Variants in SPNS2 observed in about 807,000 individuals in gnomAD.
SPNS2 encodes the protein sphingosine-1-phosphate transporter SPNS2.
SPNS2 carries 37 observed loss-of-function variants against 57.6 expected under a neutral mutation model. The observed-to-expected ratio is 0.64, with a 90% CI of 0.49 to 0.85. SPNS2 has a LOEUF of 0.85. Among genes scored for constraint, SPNS2 ranks in the 40% least tolerant of loss-of-function variants. SPNS2 has a pLI of 0.00. For missense variants in SPNS2, 831 were observed against 779.1 expected (o/e 1.07, Z -0.79); for synonymous variants, 440 against 346.9 (o/e 1.27, Z -2.98).
chr17:4,508,489 A>G (rs1904740519), intron 1 of SPNS2, among the ~76,000 whole-genome samples: 1 of 152,164 alleles, frequency 6.6e-6, no homozygotes, highest in African/African-American at 2.4e-5. Context: ...CTGCATTTAC[A>G]CAGGAAGAAA....
rs964209136 is a variant in SPNS2 at position 4,513,151 on chromosome 17, A to G, written c.371-96A>G. On this transcript the variant is annotated intron_variant, in intron 1 of 12. Transcript: ENST00000329078. ...GAGCAGGAGTGCCGCAGATATGGCC[A>G]GGCTGGGCCCTGCAAGGCGGGAAAG... The G allele has an allele frequency of 4.3e-6, 6 of 1,381,400 alleles. No individual in the cohort carries two copies. The African/African-American group carries it at 7.1e-5, about 16-fold the overall frequency. 85.6% of individuals were successfully genotyped at this position (1,381,400 alleles called of 1,614,324 possible). A position where few individuals can be genotyped will look rare whatever the true frequency, so the allele number is the denominator to read the frequency against.
intron 12 of SPNS2, 36 bp downstream of exon 12, chr17:4,536,982 A>G (rs1468869607): frequency 6.2e-7 from 1 of 1,609,136 alleles, no homozygotes; most frequent in Non-Finnish European, 8.5e-7. Context: ...GGGGCTCCCT[A>G]AGGAAAGGGG....
At position 4,533,108 on chromosome 17, in the gene SPNS2, C is replaced by T. The variant is rs377449141; in HGVS notation, c.1067C>T (p.Pro356Leu). The change falls in exon 7 of 13, where the codon CCG (proline) becomes CTG (leucine). Residue 356 changes from proline (P) to leucine (L), a missense_variant. Pro to Leu is a moderately conservative substitution (Grantham distance 98). Around this residue, in one of 2 missense-constraint regions of SPNS2, gnomAD observed 526 missense variants for 400.9 expected, o/e 1.31. Coordinates refer to ENST00000329078, the MANE Select transcript of SPNS2 (RefSeq NM_001124758.3). ...AAGACAGCAGAGACGTGCAACAGCC[C>T]GCCCTGTGGGGCCAAGGACAGGTGG... is the stretch of plus-strand genomic sequence containing the variant. ...VQKTAETCNSPPCGAKDSLIF... is the reference protein window; with the variant it reads ...VQKTAETCNSLPCGAKDSLIF... 1.9e-4 allele frequency: 313 copies of T among 1,611,648 alleles called. No homozygotes were observed. The highest frequency in any genetic ancestry group is 2.3e-4 in the Non-Finnish European group (271 of 1,179,066).
rs1478067836 is a variant in SPNS2 at position 4,532,584 on chromosome 17, A to C, written c.835A>C (p.Ile279Leu). 6.2e-7 allele frequency: 1 copy of C among 1,613,998 alleles called. No homozygotes were observed. Among genetic ancestry groups the C allele is most frequent in the Non-Finnish European group, 8.5e-7 (1 of 1,179,990 alleles). Residue 279 changes from isoleucine to leucine, a missense_variant, in exon 6 of 13, where the codon ATT becomes CTT. This residue lies in a region of SPNS2 where 526 missense variants were observed against 400.9 expected (regional missense o/e 1.31). Coordinates refer to ENST00000329078, the MANE Select transcript of SPNS2 (RefSeq NM_001124758.3). ...LGMITGTLIL[I>L]LVPATKRGHA... ...CATGATCACAGGAACACTCATCCTC[A>C]TTCTGGTCCCAGCCACTAAAAGGGG...
rs982743669 is a variant in SPNS2 at position 4,512,636 on chromosome 17, G to GTGTGTGTGCGTGCGCGCGCACGGGTA, written c.371-600_371-575dup. Among the ~76,000 whole-genome samples, 549 of 151,332 alleles carry GTGTGTGTGCGTGCGCGCGCACGGGTA rather than the reference G, an allele frequency of 3.6e-3. 7 individuals carry two copies. The highest frequency in any genetic ancestry group is 0.013 in the African/African-American group (532 of 40,716). The stretch of plus-strand genomic sequence containing the variant: ...CTGAGGGCAGCTGGGGTGACAGTGT[G>GTGTGTGTGCGTGCGCGCGCACGGGTA]TGTGTGTGCGTGCGCGCGCACGGGT... On this transcript the variant is annotated intron_variant, in intron 1 of 12. Transcript: ENST00000329078. The surrounding 1 kb of genome is among the most constrained non-coding windows in gnomAD (Gnocchi z 5.2).
rs768896891 is a variant in SPNS2, at chr17:4,513,293, C to T, written c.417C>T (p.Gly139=). 316 of 1,613,836 alleles carry T rather than the reference C, an allele frequency of 2.0e-4. No homozygotes were observed. Among genetic ancestry groups the T allele is most frequent in the Non-Finnish European group, 2.4e-4 (286 of 1,179,864 alleles). The stretch of plus-strand genomic sequence containing the variant: ...AGCACTTTGGGGTCAAGGACCGAGG[C>T]GCCGGCCTGCTGCAGTCAGGTGAGG... ...IQQHFGVKDR[G]AGLLQSVFIC... The change falls in exon 2 of 13, where the codon GGC becomes GGT. Residue 139 remains glycine, a synonymous_variant. Transcript: ENST00000329078.
intron 1 of SPNS2, among the ~76,000 whole-genome samples, chr17:4,502,942 C>T (rs886358926): frequency 1.2e-4 from 18 of 152,318 alleles, no homozygotes; most frequent in Admixed American, 9.8e-4. Context: ...CTGCTAATTA[C>T]GGCCTCTCCT....
intron 5 of SPNS2, among the ~76,000 whole-genome samples, chr17:4,532,259 CCA>C: frequency 6.6e-6 from 1 of 152,190 alleles, no homozygotes; most frequent in Non-Finnish European, 1.5e-5. Context: ...ACCCACTGCT[CCA>C]CTCACCCACC....
At chr17:4,537,194 T>C (rs2144389334) in intron 12 of SPNS2, among the ~76,000 whole-genome samples, 1 of 151,356 alleles carries the variant, frequency 6.6e-6, no homozygotes, top group East Asian at 1.9e-4. Context: ...CTCGCATAGA[T>C]CAGGGCCAGG....
rs186114560 is a variant in SPNS2 at position 4,499,479 on chromosome 17, G to C, written c.370+62G>C. On this transcript the variant is annotated intron_variant, in intron 1 of 12. Transcript: ENST00000329078. The surrounding 1 kb of genome is among the most constrained non-coding windows in gnomAD (Gnocchi z 5.2). ...CCCACCCCATCCCACCACCCGCCTC[G>C]AGGGAGGTACCCCAGAGAGCTTTTG... 2 of 1,122,706 alleles carry C rather than the reference G, an allele frequency of 1.8e-6. No individual in the cohort carries two copies. The highest frequency in any genetic ancestry group is 2.3e-6 in the Non-Finnish European group (2 of 861,482). 69.5% of individuals were successfully genotyped at this position (1,122,706 alleles called of 1,614,324 possible). A position where few individuals can be genotyped will look rare whatever the true frequency, so the allele number is the denominator to read the frequency against.
chr17:4,531,969 C>T (rs1000407299), intron 5 of SPNS2, among the ~76,000 whole-genome samples: 6 of 152,054 alleles, frequency 3.9e-5, no homozygotes, highest in African/African-American at 7.3e-5. Flanking sequence ...GTCAGTCCAG[C>T]GCTTCATACC....
intron 1 of SPNS2, among the ~76,000 whole-genome samples, chr17:4,500,905 A>T (rs1046268955): frequency 2.6e-5 from 4 of 152,038 alleles, no homozygotes; most frequent in African/African-American, 9.7e-5. Flanking sequence ...GCTATCCCAA[A>T]GAGAAACTTA....
At position 4,536,416 on chromosome 17, in the gene SPNS2, G is replaced by A. The variant is rs1165469587; in HGVS notation, c.1597G>A (p.Ala533Thr). Residue 533 changes from alanine to threonine, a missense_variant, in exon 11 of 13, where the codon GCT becomes ACT. Transcript: ENST00000329078. ...CTTCTTCGTCAGCGACCGCGCCAGG[G>A]CTGAGCAGCAGTGAGTGGGGGGGAG... The part of the protein sequence containing the change: ...ALFFVSDRAR[A>T]EQQVNQLAMP... The A allele has an allele frequency of 4.7e-5, 75 of 1,595,290 alleles. No homozygotes were observed. Among genetic ancestry groups the A allele is most frequent in the Non-Finnish European group, 5.8e-5 (68 of 1,176,276 alleles).
chr17:4,527,316 A>T (rs1905283929), intron 3 of SPNS2, among the ~76,000 whole-genome samples: 1 of 152,252 alleles, frequency 6.6e-6, no homozygotes, highest in Admixed American at 6.5e-5. Context: ...TGTAACTAAA[A>T]CAGCAGAGGG....
chr17:4,513,417 C>T, intron 2 of SPNS2, 105 bp downstream of exon 2: 1 of 1,253,748 alleles, frequency 8.0e-7, no homozygotes, highest in Non-Finnish European at 1.1e-6. Flanking sequence ...CCTGTCCTGA[C>T]TCCTGGAAAG....
chr17:4,533,542 G>C (rs1037175951), intron 8 of SPNS2, 110 bp downstream of exon 8: 16 of 1,254,524 alleles, frequency 1.3e-5, no homozygotes, highest in Non-Finnish European at 1.6e-5. Context: ...CCTCGGGGAG[G>C]CTCCTATTCT....
At chr17:4,500,173 T>A (rs1024657574) in intron 1 of SPNS2, among the ~76,000 whole-genome samples, 1 of 152,210 alleles carries the variant, frequency 6.6e-6, no homozygotes. Context: ...GGAGCATCTC[T>A]GGGAATCAGC....
chr17:4,505,696 G>T (rs1904656829), intron 1 of SPNS2, among the ~76,000 whole-genome samples: 1 of 152,252 alleles, frequency 6.6e-6, no homozygotes, highest in Non-Finnish European at 1.5e-5. Flanking sequence ...TCGCCTGGTG[G>T]CTGGGAGGTT....
intron 5 of SPNS2, among the ~76,000 whole-genome samples, chr17:4,531,599 T>C (rs4790642): frequency 0.99 from 150,993 of 152,172 alleles, 74,923 homozygotes; most frequent in East Asian, 1. Flanking sequence ...CAGAGATCCC[T>C]CGTCTCTCGG....
Sources: allele counts gnomAD v4.1 joint callset (sites outside exome capture counted in the v4.1 genomes callset), GRCh38; gene constraint gnomAD v4.1.1; regional missense constraint gnomAD v4.1.1; non-coding constraint Gnocchi (gnomAD v3.1); transcripts MANE v1.5; gene names NCBI Gene and HGNC (gene_info 2026-07-23, HGNC 2026-07-21).